The following KLHL2 variants were observed in gnomAD, a reference collection of about 807,000 sequenced individuals.
The protein encoded by KLHL2 is kelch-like protein 2.
KLHL2 carries 15 observed loss-of-function variants against 75.8 expected under a neutral mutation model. The observed-to-expected ratio is 0.20, with a 90% CI of 0.13 to 0.30. The LOEUF (loss-of-function observed/expected upper bound fraction) is 0.30. Ranked by LOEUF, KLHL2 falls within the 10% of genes least tolerant of loss-of-function variation. The pLI is 1.00. For missense variants in KLHL2, 381 were observed against 741.0 expected (o/e 0.51, Z 5.64); for synonymous variants, 214 against 251.9 (o/e 0.85, Z 1.42).
At chr4:165,238,973 A>G (rs1739584530) in intron 4 of KLHL2, 74 bp downstream of exon 4, 5 of 1,520,536 alleles carry the variant, frequency 3.3e-6, no homozygotes, top group Non-Finnish European at 4.4e-6. Flanking sequence ...ACACCCACAC[A>G]GTATACAATT....
At chr4:165,267,174 C>G (rs1197814383) in intron 5 of KLHL2, among the ~76,000 whole-genome samples, 1 of 152,134 alleles carries the variant, frequency 6.6e-6, no homozygotes, top group Non-Finnish European at 1.5e-5. Context: ...TATCCTGAGA[C>G]TTTGCTGAAG....
intron 4 of KLHL2, among the ~76,000 whole-genome samples, chr4:165,244,397 G>A (rs1277833178): frequency 6.6e-6 from 1 of 152,216 alleles, no homozygotes; most frequent in Non-Finnish European, 1.5e-5. Flanking sequence ...ACAGTAGAAT[G>A]TAGTTACTGA....
At chr4:165,284,134 G>A (rs2126438745) in intron 5 of KLHL2, among the ~76,000 whole-genome samples, 1 of 152,324 alleles carries the variant, frequency 6.6e-6, no homozygotes, top group African/African-American at 2.4e-5. Flanking sequence ...AAAGGTCTCT[G>A]ACATGCCCTG....
intron 1 of KLHL2, chr4:165,210,229 T>C: frequency 2.0e-6 from 3 of 1,478,902 alleles, no homozygotes; most frequent in African/African-American, 1.4e-5. Context: ...TTTGAATGCC[T>C]GTCTCTGCCT....
intron 4 of KLHL2, among the ~76,000 whole-genome samples, chr4:165,261,436 G>A (rs956896861): frequency 2.0e-5 from 3 of 152,132 alleles, no homozygotes; most frequent in Non-Finnish European, 4.4e-5. Flanking sequence ...TGCCTCCAGG[G>A]TTCAAGTGAT....
chr4:165,232,170 A>G (rs1738944839), intron 3 of KLHL2, among the ~76,000 whole-genome samples: 1 of 152,124 alleles, frequency 6.6e-6, no homozygotes, highest in African/African-American at 2.4e-5. Flanking sequence ...TAGATAAGAT[A>G]AAGGCCACTT....
chr4:165,310,477 T>C (rs1746074395), intron 9 of KLHL2, 76 bp from the exon 10 acceptor site: 7 of 1,233,944 alleles, frequency 5.7e-6, no homozygotes, highest in Non-Finnish European at 7.2e-6. Context: ...GCTATAGATT[T>C]ATCAGAAAGC....
At chr4:165,232,709 C>T (rs1401247790) in intron 3 of KLHL2, among the ~76,000 whole-genome samples, 1 of 151,756 alleles carries the variant, frequency 6.6e-6, no homozygotes, top group African/African-American at 2.4e-5. Context: ...CACTGCCCTC[C>T]ACCTGGGCAA....
At chr4:165,318,047 G>C in intron 14 of KLHL2, 78 bp downstream of exon 14, 2 of 1,326,602 alleles carry the variant, frequency 1.5e-6, no homozygotes, top group Admixed American at 4.2e-5. Flanking sequence ...AAGTTTTTCT[G>C]TTATAAGAAT....
intron 5 of KLHL2, among the ~76,000 whole-genome samples, chr4:165,287,079 T>C (rs1744150671): frequency 6.6e-6 from 1 of 152,226 alleles, no homozygotes; most frequent in African/African-American, 2.4e-5. Context: ...AAGTACTTGC[T>C]TTATTGTGAA....
chr4:165,228,781 A>G (rs1208803852), intron 2 of KLHL2, 26 bp from the exon 3 acceptor site: 1 of 1,513,366 alleles, frequency 6.6e-7, no homozygotes, highest in Non-Finnish European at 9.1e-7. Context: ...TATCATTTAA[A>G]TTTTTTCTCT....
chr4:165,302,594 C>G lies in KLHL2; in HGVS notation c.921+2938C>G, dbSNP rs181399317. Among the ~76,000 whole-genome samples, 292 of 152,190 alleles carry G rather than the reference C, an allele frequency of 1.9e-3. 1 individual carries two copies. The highest frequency in any genetic ancestry group is 2.5e-3 in the Non-Finnish European group (170 of 68,022). On this transcript the variant is annotated intron_variant, in intron 8 of 14. Coordinates refer to ENST00000226725, the MANE Select transcript of KLHL2 (RefSeq NM_007246.4). ...ATAAGGTATCCTTGGATTTGCACATCATAATAAAAATTGTGTGTGTTTTGC... is the reference window on the plus strand; with the variant it reads ...ATAAGGTATCCTTGGATTTGCACATGATAATAAAAATTGTGTGTGTTTTGC...
At chr4:165,235,264 G>A (rs751160320) in intron 3 of KLHL2, among the ~76,000 whole-genome samples, 58 of 152,314 alleles carry the variant, frequency 3.8e-4, no homozygotes, top group Non-Finnish European at 6.2e-4. Flanking sequence ...GCAGTGGTGC[G>A]GTCTTAGCTC....
intron 5 of KLHL2, among the ~76,000 whole-genome samples, chr4:165,266,341 A>T (rs146259357): frequency 0.065 from 9,899 of 151,938 alleles, 370 homozygotes; most frequent in Middle Eastern, 0.12. Flanking sequence ...CCCATTTGTC[A>T]ATTTTGGCTT....
At chr4:165,263,608 GT>G (rs199576096) in intron 5 of KLHL2, among the ~76,000 whole-genome samples, 149 of 142,026 alleles carry the variant, frequency 1.0e-3, no homozygotes, top group African/African-American at 2.3e-3. Flanking sequence ...AGGTTTTTTT[GT>G]TTTTTTTTTT....
At chr4:165,285,285 G>A (rs1224971871) in intron 5 of KLHL2, among the ~76,000 whole-genome samples, 1 of 152,156 alleles carries the variant, frequency 6.6e-6, no homozygotes, top group Admixed American at 6.6e-5. Context: ...AGAATTAACA[G>A]GGTTTATGAA....
intron 5 of KLHL2, among the ~76,000 whole-genome samples, chr4:165,283,338 G>C (rs142589851): frequency 6.6e-6 from 1 of 152,188 alleles, no homozygotes; most frequent in African/African-American, 2.4e-5. Flanking sequence ...AGTCCCTTTC[G>C]CCTATGAGCC....
intron 5 of KLHL2, among the ~76,000 whole-genome samples, chr4:165,271,074 A>G (rs1325519911): frequency 2.0e-5 from 3 of 152,198 alleles, no homozygotes; most frequent in African/African-American, 7.2e-5. Flanking sequence ...ATTTGAAGTC[A>G]GGTAATGTCA....
chr4:165,287,806 A>G (rs1014165137), intron 5 of KLHL2, among the ~76,000 whole-genome samples: 5 of 152,154 alleles, frequency 3.3e-5, no homozygotes, highest in East Asian at 1.9e-4. Flanking sequence ...CAATTTGTAT[A>G]TCGTCTTTGG....
Sources: allele counts gnomAD v4.1 joint callset (sites outside exome capture counted in the v4.1 genomes callset), GRCh38; gene constraint gnomAD v4.1.1; transcripts MANE v1.5; gene names NCBI Gene and HGNC (gene_info 2026-07-23, HGNC 2026-07-21).